Variants in CEP192 observed in about 807,000 individuals in gnomAD.
CEP192 encodes the protein centrosomal protein 192.
A neutral mutation model predicts 271.8 loss-of-function variants in CEP192; 151 were observed. The observed-to-expected ratio is 0.56, with a 90% CI of 0.49 to 0.64. The LOEUF is 0.64. CEP192 is among the 30% of genes least tolerant of loss of function. CEP192 has a pLI of 0.00. For missense variants in CEP192, 2,910 were observed against 3,020.5 expected (o/e 0.96, Z 0.86); for synonymous variants, 995 against 1,076.5 (o/e 0.92, Z 1.48).
chr18:13,055,658 AT>A (rs910057259), intron 18 of CEP192, 121 bp from the exon 19 acceptor site: 31 of 642,586 alleles, frequency 4.8e-5, no homozygotes, highest in South Asian at 1.0e-4. Context: ...GTGTAAACCA[AT>A]TTTTTTTCAA....
intron 42 of CEP192, among the ~76,000 whole-genome samples, chr18:13,115,305 C>T (rs563638231): frequency 1.3e-5 from 2 of 152,254 alleles, no homozygotes; most frequent in East Asian, 1.9e-4. Flanking sequence ...ACAGAGGCAG[C>T]TTGGTCTGTG....
chr18:13,039,790 A>C (rs1278958762), intron 13 of CEP192, among the ~76,000 whole-genome samples: 1 of 152,222 alleles, frequency 6.6e-6, no homozygotes, highest in Non-Finnish European at 1.5e-5. Context: ...GCCATATGTC[A>C]GGTGCCCAGG....
At chr18:13,027,682 C>G (rs572309135) in intron 9 of CEP192, among the ~76,000 whole-genome samples, 21 of 152,234 alleles carry the variant, frequency 1.4e-4, no homozygotes, top group Admixed American at 1.0e-3. Flanking sequence ...GACTTCCAAG[C>G]CCTTTATACT....
rs768700296 is a variant in CEP192, at chr18:13,049,141, T to C, written c.2350T>C (p.Tyr784His). 6.2e-7 allele frequency: 1 copy of C among 1,613,758 alleles called. No individual in the cohort carries two copies. The change falls in exon 16 of 45, where the codon TAC becomes CAC. Residue 784 changes from tyrosine (Y) to histidine (H), a missense_variant. Transcript: ENST00000506447. ...NGSNALDMEK[Y>H]LKKTEVSRYE... ...ATCCAATGCACTTGATATGGAGAAA[T>C]ACCTTAAAAAAACAGAAGTTAGTAG...
intron 18 of CEP192, among the ~76,000 whole-genome samples, chr18:13,055,279 CA>C (rs34080432): frequency 0.033 from 3,185 of 97,546 alleles, 100 homozygotes; most frequent in African/African-American, 0.099. Flanking sequence ...GACTCTGTCT[CA>C]AAAAAAAAAA....
At chr18:13,115,850 G>A (rs1050105148) in intron 42 of CEP192, among the ~76,000 whole-genome samples, 4 of 152,164 alleles carry the variant, frequency 2.6e-5, no homozygotes, top group Non-Finnish European at 5.9e-5. Context: ...GGGGGGTGCC[G>A]AGCTAGGTGT....
Position 13,108,531 on chromosome 18 carries a change from G to C in CEP192, c.7047+3452G>C, listed in dbSNP as rs367587535. On this transcript the variant is annotated intron_variant, in intron 40 of 44. Transcript: ENST00000506447. ...ACACTTCTCAGAAGAAGACATACAA[G>C]CAGCCAACAAACCTGAAAAAATGCT... Among the ~76,000 whole-genome samples the C allele has an allele frequency of 2.2e-3, 333 of 152,238 alleles. 2 individuals are homozygous for C. The highest frequency in any genetic ancestry group is 7.6e-3 in the African/African-American group (315 of 41,534).
chr18:13,083,052 C>A (rs541142641), intron 30 of CEP192, among the ~76,000 whole-genome samples: 1 of 152,318 alleles, frequency 6.6e-6, no homozygotes, highest in South Asian at 2.1e-4. Context: ...CTGCCCTTAA[C>A]ATTTTTTCCT....
intron 2 of CEP192, 33 bp from the exon 3 acceptor site, chr18:13,001,424 T>C (rs1486086419): frequency 6.9e-7 from 1 of 1,440,608 alleles, no homozygotes. Flanking sequence ...GTAATTTAAT[T>C]CTTAACAATT....
chr18:13,068,312 A>G (rs1204793712), intron 23 of CEP192, 47 bp from the exon 24 acceptor site: 7 of 1,594,574 alleles, frequency 4.4e-6, no homozygotes, highest in East Asian at 2.2e-5. Context: ...AGATAGTAAT[A>G]TTAATACCAG....
intron 28 of CEP192, among the ~76,000 whole-genome samples, 198 bp from the exon 29 acceptor site, chr18:13,072,557 T>A (rs2038066182): frequency 6.6e-6 from 1 of 152,180 alleles, no homozygotes; most frequent in African/African-American, 2.4e-5. Context: ...CCAAAAAGCC[T>A]CTATAAGGTG....
Position 13,038,472 on chromosome 18 carries a change from G to C in CEP192, c.1702G>C (p.Asp568His). ...SLLRKSRSTS[D>H]LDKDDASYLR... ...GTTGAGGAAATCACGTAGCACATCA[G>C]ATTTGGATAAAGATGATGCCAGTTA... The change falls in exon 13 of 45, where the codon GAT (aspartate) becomes CAT (histidine). Residue 568 changes from aspartate to histidine, a missense_variant. Coordinates refer to ENST00000506447, the MANE Select transcript of CEP192 (RefSeq NM_032142.4). 6.4e-7 allele frequency: 1 copy of C among 1,551,386 alleles called. No individual in the cohort carries two copies. Among genetic ancestry groups the C allele is most frequent in the Non-Finnish European group, 8.7e-7 (1 of 1,146,724 alleles).
chr18:13,053,128 C>G (rs2036892652), intron 18 of CEP192, 38 bp downstream of exon 18: 1 of 1,520,620 alleles, frequency 6.6e-7, no homozygotes, highest in Non-Finnish European at 8.9e-7. Context: ...CTAAGGCTTT[C>G]AACTCTTAAA....
At chr18:13,089,105 C>T (rs1461834058) in intron 32 of CEP192, among the ~76,000 whole-genome samples, 1 of 152,098 alleles carries the variant, frequency 6.6e-6, no homozygotes, top group Non-Finnish European at 1.5e-5. Flanking sequence ...TTTAGGTATT[C>T]CCCTTCAAAT....
chr18:13,116,018 A>G (rs995760088), intron 42 of CEP192, among the ~76,000 whole-genome samples: 1 of 152,228 alleles, frequency 6.6e-6, no homozygotes, highest in Non-Finnish European at 1.5e-5. Flanking sequence ...CCACACCTGC[A>G]TCAGGCACTT....
At chr18:13,066,030 C>T (rs956082217) in intron 21 of CEP192, among the ~76,000 whole-genome samples, 1 of 152,152 alleles carries the variant, frequency 6.6e-6, no homozygotes, top group Non-Finnish European at 1.5e-5. Context: ...TTCAAAATGC[C>T]ATGTTACCGT....
chr18:13,096,123 A>G, intron 35 of CEP192, 61 bp from the exon 36 acceptor site: 1 of 1,553,692 alleles, frequency 6.4e-7, no homozygotes, highest in Non-Finnish European at 8.8e-7. Flanking sequence ...ATTAGTTGTT[A>G]ATATTTGTCT....
At position 13,092,542 on chromosome 18, in the gene CEP192, CA is replaced by C; in HGVS notation, c.6254+16del. ...GAATCTACAAGGTAAAATAAATGAACAGAAATCTTTCACCAGATTTCAGGAT... is the reference window on the plus strand; with the variant it reads ...GAATCTACAAGGTAAAATAAATGAACGAAATCTTTCACCAGATTTCAGGAT... On this transcript the variant is annotated intron_variant, in intron 34 of 44. Coordinates refer to ENST00000506447, the MANE Select transcript of CEP192 (RefSeq NM_032142.4). The C allele has an allele frequency of 6.4e-7, 1 of 1,571,438 alleles. No individual in the cohort carries two copies. The highest frequency in any genetic ancestry group is 8.6e-7 in the Non-Finnish European group (1 of 1,160,156).
intron 15 of CEP192, among the ~76,000 whole-genome samples, chr18:13,046,948 A>G (rs1049688221): frequency 2.7e-5 from 4 of 147,782 alleles, no homozygotes; most frequent in African/African-American, 1.0e-4. Context: ...TAGAATTGTT[A>G]GCAGCAACTT....
Sources: gnomAD v4.1 joint callset for allele counts (sites outside exome capture counted in the v4.1 genomes callset) on GRCh38, gnomAD v4.1.1 for gene constraint, MANE v1.5 for transcripts, NCBI Gene and HGNC (gene_info 2026-07-23, HGNC 2026-07-21) for gene names.